PLD5: variants seen among roughly 807,000 people sequenced by gnomAD.
PLD5 encodes phospholipase D family member 5.
PLD5 carries 36 observed loss-of-function variants against 61.1 expected under a neutral mutation model. The ratio of observed to expected loss-of-function variants is 0.59; its 90% CI spans 0.45 to 0.78. The LOEUF (loss-of-function observed/expected upper bound fraction) is 0.78. PLD5 is among the 30% of genes least tolerant of loss of function. The pLI is 0.00. For missense variants in PLD5, 515 were observed against 644.4 expected, an observed-to-expected ratio of 0.80 and a Z score of 2.17; for synonymous variants, 243 against 242.8, an observed-to-expected ratio of 1.00 and a Z score of -0.01.
chr1:242,114,598 G>A (rs756630096), intron 6 of PLD5, among the ~76,000 whole-genome samples: 6 of 152,194 alleles, frequency 3.9e-5, no homozygotes, highest in African/African-American at 4.8e-5. Context: ...ATTTACAGCC[G>A]CTCCCCCTTG....
At chr1:242,156,804 C>T (rs908824883) in intron 5 of PLD5, among the ~76,000 whole-genome samples, 4 of 152,050 alleles carry the variant, frequency 2.6e-5, no homozygotes, top group South Asian at 2.1e-4. Flanking sequence ...TCACTTCAAC[C>T]TTGGTTGAAT....
At chr1:242,112,339 G>GTGTGTATATATATA (rs1370325825) in intron 7 of PLD5, among the ~76,000 whole-genome samples, 12 of 143,402 alleles carry the variant, frequency 8.4e-5, no homozygotes, top group South Asian at 7.1e-4. Flanking sequence ...ATGTATATGT[G>GTGTGTATATATATA]TATATATATA....
intron 3 of PLD5, among the ~76,000 whole-genome samples, chr1:242,275,269 T>C (rs548044450): frequency 1.3e-5 from 2 of 152,054 alleles, no homozygotes; most frequent in Non-Finnish European, 2.9e-5. Flanking sequence ...TATGAATATA[T>C]ATTCATATTC....
chr1:242,494,522 T>C (rs1312017026), intron 1 of PLD5, among the ~76,000 whole-genome samples: 1 of 152,100 alleles, frequency 6.6e-6, no homozygotes, highest in African/African-American at 2.4e-5. Flanking sequence ...ACTGTGTACC[T>C]CCTGGAGCAC....
intron 1 of PLD5, among the ~76,000 whole-genome samples, chr1:242,350,101 G>A (rs1273531631): frequency 6.6e-6 from 1 of 152,036 alleles, no homozygotes; most frequent in Non-Finnish European, 1.5e-5. Context: ...TATCATGTGG[G>A]AATACAGCAA....
chr1:242,223,160 G>A lies in PLD5; in HGVS notation c.608-3045C>T, dbSNP rs2636250. On this transcript the variant is annotated intron_variant, in intron 4 of 9. Transcript: ENST00000536534. ...CCTCCTCACTGTGTCCTCATGTGGT[G>A]GAAAACATGAGGATCTCTCTCTGAC... 1.6e-3 allele frequency among the ~76,000 whole-genome samples: 236 copies of A among 152,254 alleles called. 2 individuals carry two copies. Among genetic ancestry groups the A allele is most frequent in the African/African-American group, 5.5e-3 (229 of 41,546 alleles).
intron 1 of PLD5, among the ~76,000 whole-genome samples, chr1:242,389,255 T>C (rs1187178539): frequency 6.6e-6 from 1 of 152,156 alleles, no homozygotes; most frequent in African/African-American, 2.4e-5. Flanking sequence ...TAATTATTTA[T>C]AAATCTTAAA....
At chr1:242,291,617 T>C (rs937415935) in intron 2 of PLD5, among the ~76,000 whole-genome samples, 10 of 151,892 alleles carry the variant, frequency 6.6e-5, no homozygotes, top group Admixed American at 2.0e-4. Context: ...CCATCTTGGC[T>C]AACACGGTGA....
chr1:242,108,738 G>A (rs970818786), intron 7 of PLD5, among the ~76,000 whole-genome samples: 1 of 152,132 alleles, frequency 6.6e-6, no homozygotes, highest in Non-Finnish European at 1.5e-5. Flanking sequence ...CTAATTCTGG[G>A]CCAATTCAGT....
At chr1:242,517,678 C>T (rs1669147382) in intron 1 of PLD5, among the ~76,000 whole-genome samples, 1 of 152,108 alleles carries the variant, frequency 6.6e-6, no homozygotes, top group Non-Finnish European at 1.5e-5. Flanking sequence ...TTAATCATAA[C>T]ACTGCCATTA....
At chr1:242,364,724 A>C (rs1358758970) in intron 1 of PLD5, among the ~76,000 whole-genome samples, 1 of 152,228 alleles carries the variant, frequency 6.6e-6, no homozygotes, top group African/African-American at 2.4e-5. Flanking sequence ...TCAATAAAGA[A>C]AAGAAAGGAA....
At chr1:242,231,900 A>C (rs1671328175) in intron 4 of PLD5, among the ~76,000 whole-genome samples, 1 of 151,740 alleles carries the variant, frequency 6.6e-6, no homozygotes, top group South Asian at 2.1e-4. Flanking sequence ...AATATCTCAA[A>C]GTCTCAGAGG....
chr1:242,191,081 A>C (rs1285177922), intron 5 of PLD5, among the ~76,000 whole-genome samples: 1 of 151,884 alleles, frequency 6.6e-6, no homozygotes, highest in Non-Finnish European at 1.5e-5. Context: ...GGCTTTAATC[A>C]GTCATGGATC....
intron 6 of PLD5, among the ~76,000 whole-genome samples, chr1:242,120,502 T>A (rs983849787): frequency 3.3e-5 from 5 of 152,086 alleles, no homozygotes; most frequent in Non-Finnish European, 5.9e-5. Flanking sequence ...AAATTACGTC[T>A]CTGTAAGGCT....
intron 1 of PLD5, among the ~76,000 whole-genome samples, chr1:242,469,263 T>A (rs371695305): frequency 6.6e-6 from 1 of 152,214 alleles, no homozygotes; most frequent in Non-Finnish European, 1.5e-5. Context: ...GCCTACATTC[T>A]CCCAAATGGG....
chr1:242,218,956 C>A (rs1192176384), intron 5 of PLD5, among the ~76,000 whole-genome samples: 6 of 152,158 alleles, frequency 3.9e-5, no homozygotes, highest in Non-Finnish European at 1.5e-5. Flanking sequence ...TTCATTGAAA[C>A]TGTTATTGTT....
intron 1 of PLD5, among the ~76,000 whole-genome samples, chr1:242,492,924 C>G (rs1407109773): frequency 6.6e-6 from 1 of 152,114 alleles, no homozygotes; most frequent in African/African-American, 2.4e-5. Context: ...CCCAAAGGCT[C>G]TACTTCCTAA....
chr1:242,524,366 G>C lies in PLD5; in HGVS notation c.-90C>G. The stretch of plus-strand genomic sequence containing the variant: ...GCGGAGGGCGAGCGGGAGGCCCAGC[G>C]GGAGCCGGAGGTGGAGCTGGAGACT... On this transcript the variant is annotated 5_prime_UTR_variant, in exon 1 of 10. Transcript: ENST00000536534. The C allele has an allele frequency of 2.5e-6, 3 of 1,220,874 alleles. No homozygotes were observed. Among genetic ancestry groups the C allele is most frequent in the South Asian group, 2.0e-5 (1 of 49,494 alleles). 75.6% of individuals were successfully genotyped at this position (1,220,874 alleles called of 1,614,324 possible).
chr1:242,287,325 T>C (rs1037259838), intron 3 of PLD5, among the ~76,000 whole-genome samples: 29 of 152,186 alleles, frequency 1.9e-4, no homozygotes, highest in Admixed American at 1.4e-3. Context: ...CATGAACAAA[T>C]AGATACTATT....
Sources: gnomAD v4.1 joint callset for allele counts (sites outside exome capture counted in the v4.1 genomes callset) on GRCh38, gnomAD v4.1.1 for gene constraint, MANE v1.5 for transcripts, NCBI Gene and HGNC (gene_info 2026-07-23, HGNC 2026-07-21) for gene names.